CRYBG3: variants seen among roughly 807,000 people sequenced by gnomAD.
The protein encoded by CRYBG3 is crystallin beta-gamma domain containing 3.
CRYBG3 carries 127 observed loss-of-function variants against 244.2 expected under a neutral mutation model. That is an observed-to-expected ratio of 0.52 (90% CI 0.45 to 0.60). The LOEUF (loss-of-function observed/expected upper bound fraction) is 0.60, where lower values mean the gene tolerates loss of function less well. Among genes scored for constraint, CRYBG3 ranks in the 20% least tolerant of loss-of-function variants. CRYBG3 has a pLI of 0.00. For synonymous variants in CRYBG3, 1,132 were observed against 1,195.8 expected (o/e 0.95, Z 1.10); for missense variants, 3,325 against 3,442.5 (o/e 0.97, Z 0.85).
intron 17 of CRYBG3, among the ~76,000 whole-genome samples, chr3:97,929,224 T>TAA (rs2040071601): frequency 2.0e-5 from 3 of 151,974 alleles, no homozygotes; most frequent in Admixed American, 1.3e-4. Context: ...GCTTCAAAGT[T>TAA]AACATGGACT....
chr3:97,866,089 T>G (rs1271379306), intron 3 of CRYBG3, among the ~76,000 whole-genome samples: 3 of 152,324 alleles, frequency 2.0e-5, no homozygotes, highest in African/African-American at 7.2e-5. Flanking sequence ...AAAAAACATT[T>G]ATTTTCATTA....
chr3:97,935,346 G>A (rs1385084119), intron 18 of CRYBG3, among the ~76,000 whole-genome samples: 4 of 152,040 alleles, frequency 2.6e-5, no homozygotes, highest in Admixed American at 1.3e-4. Context: ...AAGCCTGTCC[G>A]TGGTCATGCT....
At chr3:97,917,477 T>A (rs556124929) in intron 17 of CRYBG3, among the ~76,000 whole-genome samples, 4 of 152,158 alleles carry the variant, frequency 2.6e-5, no homozygotes, top group Non-Finnish European at 5.9e-5. Flanking sequence ...ATTTAAAACA[T>A]CTTTTGCGAA....
chr3:97,884,685 T>C (rs937907666), intron 7 of CRYBG3, among the ~76,000 whole-genome samples: 3 of 152,190 alleles, frequency 2.0e-5, no homozygotes, highest in Non-Finnish European at 2.9e-5. Flanking sequence ...ATTATACATA[T>C]GTTTTGCAAA....
chr3:97,861,062 T>A (rs561981972), intron 2 of CRYBG3, among the ~76,000 whole-genome samples: 1 of 152,208 alleles, frequency 6.6e-6, no homozygotes, highest in Non-Finnish European at 1.5e-5. Flanking sequence ...CCTAATCAAA[T>A]TGTTGTCTAA....
At chr3:97,823,149 A>G (rs2038529826) in intron 1 of CRYBG3, among the ~76,000 whole-genome samples, 1 of 152,206 alleles carries the variant, frequency 6.6e-6, no homozygotes, top group African/African-American at 2.4e-5. Context: ...AATTTTAGAC[A>G]TGCCTCATTT....
At chr3:97,910,720 G>A (rs984000651) in intron 15 of CRYBG3, among the ~76,000 whole-genome samples, 1 of 152,198 alleles carries the variant, frequency 6.6e-6, no homozygotes, top group Non-Finnish European at 1.5e-5. Context: ...CGTCACTCAC[G>A]CTGGGAGCTG....
chr3:97,824,762 G>A (rs940304337), intron 1 of CRYBG3, among the ~76,000 whole-genome samples: 15 of 152,270 alleles, frequency 9.9e-5, no homozygotes, highest in Middle Eastern at 3.4e-3. Flanking sequence ...CCATTTCCAG[G>A]AAATGCTTAT....
At chr3:97,903,303 A>G (rs2039725982) in intron 15 of CRYBG3, among the ~76,000 whole-genome samples, 2 of 152,196 alleles carry the variant, frequency 1.3e-5, no homozygotes, top group South Asian at 2.1e-4. Context: ...CAAGCAGTAA[A>G]GAGAAAACAC....
intron 3 of CRYBG3, among the ~76,000 whole-genome samples, chr3:97,865,027 A>G (rs2039207955): frequency 6.6e-6 from 1 of 152,152 alleles, no homozygotes; most frequent in African/African-American, 2.4e-5. Flanking sequence ...ATTTAATTAA[A>G]GCCATTAAGA....
chr3:97,876,385 G>A lies in CRYBG3; in HGVS notation c.5191G>A (p.Val1731Met), dbSNP rs1360514997. 2 of 1,232,040 alleles carry A rather than the reference G, an allele frequency of 1.6e-6. No homozygotes were observed. The highest frequency in any genetic ancestry group is 4.2e-5 in the Admixed American group (1 of 23,694). The allele number at this position is 1,232,040 out of a possible 1,614,324, so 76.3% of individuals were successfully genotyped here. A position where few individuals can be genotyped will look rare whatever the true frequency, so the allele number is the denominator to read the frequency against. The change falls in exon 4 of 22, where the codon GTG (valine) becomes ATG (methionine). Residue 1731 changes from valine to methionine, a missense_variant. By Grantham distance (21) the Val-to-Met change is conservative (BLOSUM62 1). Around this residue, in one of 4 missense-constraint regions of CRYBG3, gnomAD observed 635 missense variants for 771.7 expected, o/e 0.82. Coordinates refer to ENST00000389622, the MANE Select transcript of CRYBG3 (RefSeq NM_153605.4). The stretch of plus-strand genomic sequence containing the variant: ...TGAAGGGGATATTGGAAAGGCTGAA[G>A]TGATGCCTGTGAGGTTAGAAATGGA... ...DAEGDIGKAEVMPVRLEMENT... is the reference protein window; with the variant it reads ...DAEGDIGKAEMMPVRLEMENT...
Position 97,888,433 on chromosome 3 carries a change from A to G in CRYBG3, c.7382A>G (p.Lys2461Arg). ...TTTGAGATTTCTACAGCAGAAATGA[A>G]ATCATTACATCCGCTTCAAATGGTA... ...GLFEISTAEM[K>R]SLHPLQMGGL... Residue 2461 changes from lysine (K) to arginine (R), a missense_variant, in exon 9 of 22, where the codon AAA (lysine) becomes AGA (arginine). Lys to Arg is a conservative substitution (Grantham distance 26, BLOSUM62 2). Coordinates refer to ENST00000389622, the MANE Select transcript of CRYBG3 (RefSeq NM_153605.4). 6.2e-7 allele frequency: 1 copy of G among 1,607,364 alleles called. No homozygotes were observed. The highest frequency in any genetic ancestry group is 2.2e-5 in the East Asian group (1 of 44,770).
At position 97,864,451 on chromosome 3, in the gene CRYBG3, A is replaced by G; in HGVS notation, c.451A>G (p.Lys151Glu). 2.0e-6 allele frequency: 3 copies of G among 1,535,960 alleles called. No homozygotes were observed. Among genetic ancestry groups the G allele is most frequent in the Non-Finnish European group, 2.6e-6 (3 of 1,146,786 alleles). Residue 151 changes from lysine (K) to glutamate (E), a missense_variant, in exon 3 of 22, where the codon AAA becomes GAA. Around this residue, in one of 4 missense-constraint regions of CRYBG3, gnomAD observed 1,526 missense variants for 1,443.2 expected, o/e 1.06. Coordinates refer to ENST00000389622, the MANE Select transcript of CRYBG3 (RefSeq NM_153605.4). ...KQSSFKDDQD[K>E]TEKDLQNPSD... ...GTCTTCTTTCAAAGATGACCAGGAT[A>G]AAACTGAGAAGGATTTACAAAATCC...
intron 1 of CRYBG3, among the ~76,000 whole-genome samples, chr3:97,833,708 C>A (rs1446772996): frequency 2.6e-5 from 4 of 151,730 alleles, no homozygotes; most frequent in African/African-American, 9.7e-5. Flanking sequence ...CCCAGAACTT[C>A]AAAGTATAAT....
Position 97,874,510 on chromosome 3 carries a change from A to G in CRYBG3, c.3316A>G (p.Thr1106Ala). The G allele has an allele frequency of 2.6e-6, 4 of 1,534,916 alleles. No homozygotes were observed. The highest frequency in any genetic ancestry group is 1.2e-5 in the South Asian group (1 of 83,800). ...CTCTGTAACTAACCTGTTGTACCCT[A>G]CTACCTCTTATTTGGAATTTGAAAC... The part of the protein sequence containing the change: ...GTSVTNLLYP[T>A]TSYLEFETSV... The change falls in exon 4 of 22, where the codon ACT becomes GCT. Residue 1106 changes from threonine to alanine, a missense_variant. By Grantham distance (58) the Thr-to-Ala change is moderately conservative (BLOSUM62 0). Coordinates refer to ENST00000389622, the MANE Select transcript of CRYBG3 (RefSeq NM_153605.4).
chr3:97,823,494 C>G (rs975735870), intron 1 of CRYBG3, among the ~76,000 whole-genome samples: 4 of 152,210 alleles, frequency 2.6e-5, no homozygotes, highest in Non-Finnish European at 4.4e-5. Flanking sequence ...TAATAACATG[C>G]CACATGTTTC....
chr3:97,857,881 G>A (rs1055788625), intron 2 of CRYBG3, among the ~76,000 whole-genome samples: 23 of 151,864 alleles, frequency 1.5e-4, no homozygotes, highest in East Asian at 1.4e-3. Context: ...TGATCATTTC[G>A]TATATACATT....
At chr3:97,851,696 G>C (rs2038987870) in intron 2 of CRYBG3, among the ~76,000 whole-genome samples, 1 of 152,230 alleles carries the variant, frequency 6.6e-6, no homozygotes, top group Non-Finnish European at 1.5e-5. Flanking sequence ...TGAGTGGTAA[G>C]AGATGAAATT....
chr3:97,942,992 A>G (rs1361877995), intron 21 of CRYBG3: 2 of 459,686 alleles, frequency 4.4e-6, no homozygotes, highest in Non-Finnish European at 7.6e-6. Context: ...AAGGCACGCC[A>G]CTTATACAAT....
Sources: allele counts gnomAD v4.1 joint callset (sites outside exome capture counted in the v4.1 genomes callset), GRCh38; gene constraint gnomAD v4.1.1; regional missense constraint gnomAD v4.1.1; transcripts MANE v1.5; gene names NCBI Gene and HGNC (gene_info 2026-07-23, HGNC 2026-07-21).